DNAJC6: variants seen among roughly 807,000 people sequenced by gnomAD.
DNAJC6 encodes DnaJ heat shock protein family (Hsp40) member C6, also known as auxilin.
In DNAJC6, 34 loss-of-function variants were observed where a neutral mutation model predicts 110.0. The observed-to-expected ratio is 0.31, with a 90% CI of 0.24 to 0.41. The LOEUF (loss-of-function observed/expected upper bound fraction) is 0.41. Ranked by LOEUF, DNAJC6 falls within the 10% of genes least tolerant of loss-of-function variation. The pLI is 1.00. For missense variants in DNAJC6, 1,031 were observed against 1,207.8 expected (o/e 0.85, Z 2.17); for synonymous variants, 406 against 437.2 (o/e 0.93, Z 0.89).
chr1:65,369,844 A>G (rs1216400234), intron 4 of DNAJC6, among the ~76,000 whole-genome samples: 1 of 152,168 alleles, frequency 6.6e-6, no homozygotes, highest in African/African-American at 2.4e-5. Flanking sequence ...GAATTGTATG[A>G]AATGATCAAT....
intron 16 of DNAJC6, among the ~76,000 whole-genome samples, chr1:65,407,277 A>G (rs758832652): frequency 1.3e-5 from 2 of 152,122 alleles, no homozygotes; most frequent in South Asian, 4.1e-4. Flanking sequence ...TACTGTATAT[A>G]TAGGGTCTGG....
At chr1:65,393,778 TCTCAA>T (rs1411477954) in intron 12 of DNAJC6, among the ~76,000 whole-genome samples, 1 of 152,180 alleles carries the variant, frequency 6.6e-6, no homozygotes, top group East Asian at 1.9e-4. Context: ...AAGAGAAATG[TCTCAA>T]CTCTTCAGGC....
intron 1 of DNAJC6, among the ~76,000 whole-genome samples, chr1:65,318,163 A>G (rs1237569973): frequency 6.6e-6 from 1 of 152,178 alleles, no homozygotes; most frequent in Non-Finnish European, 1.5e-5. Flanking sequence ...TGACTTATCT[A>G]CTAGGCACAG....
In DNAJC6 at chr1:65,392,602, C is replaced by T. The variant is rs1300228085; in HGVS notation, c.1640C>T (p.Ala547Val). The change falls in exon 12 of 19, where the codon GCC becomes GTC. Residue 547 changes from alanine (A) to valine (V), a missense_variant. Ala to Val is a moderately conservative substitution (Grantham distance 64). Coordinates refer to ENST00000371069, the MANE Select transcript of DNAJC6 (RefSeq NM_001256864.2). ...AGCAAAAAGCAGCAGGAGCCAGCAG[C>T]CCCTCCACCCCCTGAGGATGTGGAC... ...KPSKKQQEPA[A>V]PPPPEDVDLL... 1 of 1,614,056 alleles carries T rather than the reference C, an allele frequency of 6.2e-7. No individual in the cohort carries two copies. Among genetic ancestry groups the T allele is most frequent in the Non-Finnish European group, 8.5e-7 (1 of 1,179,988 alleles).
intron 1 of DNAJC6, among the ~76,000 whole-genome samples, chr1:65,310,193 C>A (rs1645086064): frequency 8.0e-6 from 1 of 125,206 alleles, no homozygotes; most frequent in Non-Finnish European, 1.6e-5. Flanking sequence ...CTGCTGAATA[C>A]GGCAGCTGGG....
chr1:65,357,758 T>G (rs543770328), intron 1 of DNAJC6, among the ~76,000 whole-genome samples: 7 of 152,324 alleles, frequency 4.6e-5, no homozygotes, highest in African/African-American at 1.7e-4. Context: ...GAAACTTGTG[T>G]GGCTGTGAAC....
intron 1 of DNAJC6, among the ~76,000 whole-genome samples, chr1:65,287,650 G>C (rs1014529732): frequency 3.9e-5 from 6 of 152,152 alleles, no homozygotes; most frequent in Admixed American, 6.6e-5. Flanking sequence ...TGCCCAGAAT[G>C]GAGTACAGTG....
At chr1:65,385,942 C>T in intron 7 of DNAJC6, 36 bp downstream of exon 7, 1 of 1,500,362 alleles carries the variant, frequency 6.7e-7, no homozygotes, top group Non-Finnish European at 9.0e-7. Context: ...CTATGTACTT[C>T]TCAATTCTCA....
intron 15 of DNAJC6, among the ~76,000 whole-genome samples, chr1:65,404,105 G>C (rs9436289): frequency 6.6e-6 from 1 of 152,150 alleles, no homozygotes; most frequent in Non-Finnish European, 1.5e-5. Context: ...GTATGTTCCC[G>C]TGCTATTGGC....
intron 6 of DNAJC6, among the ~76,000 whole-genome samples, chr1:65,385,310 C>A (rs772386306): frequency 1.3e-5 from 2 of 152,158 alleles, no homozygotes; most frequent in South Asian, 2.1e-4. Flanking sequence ...ACAATTTCTT[C>A]ATTTTTTTAA....
intron 12 of DNAJC6, 76 bp downstream of exon 12, chr1:65,392,941 T>G: frequency 7.4e-7 from 1 of 1,344,506 alleles, no homozygotes; most frequent in Non-Finnish European, 9.7e-7. Flanking sequence ...GAATTGAACT[T>G]TCCTAATAAG....
chr1:65,316,940 C>T lies in DNAJC6; in HGVS notation c.193+7002C>T, dbSNP rs181919485. Among the ~76,000 whole-genome samples, 311 of 150,694 alleles carry T rather than the reference C, an allele frequency of 2.1e-3. 2 individuals are homozygous for T. The highest frequency in any genetic ancestry group is 7.3e-3 in the African/African-American group (301 of 41,164). ...ATAAAGGTCACTTTTTTTTTTTTAG[C>T]CAAAAAAGGAAACTCAAAATGTATA... On this transcript the variant is annotated intron_variant, in intron 1 of 18. Coordinates refer to ENST00000371069, the MANE Select transcript of DNAJC6 (RefSeq NM_001256864.2).
chr1:65,271,818 A>G (rs926811518), intron 1 of DNAJC6, among the ~76,000 whole-genome samples: 16 of 151,446 alleles, frequency 1.1e-4, no homozygotes, highest in African/African-American at 3.9e-4. Flanking sequence ...GCAGTGAGCC[A>G]AGATCACACC....
intron 1 of DNAJC6, among the ~76,000 whole-genome samples, chr1:65,332,199 G>A (rs1388557565): frequency 6.6e-6 from 1 of 152,122 alleles, no homozygotes; most frequent in Non-Finnish European, 1.5e-5. Flanking sequence ...TTAACGTGGG[G>A]CACTCAATGA....
At chr1:65,325,854 T>G (rs1645237277) in intron 1 of DNAJC6, among the ~76,000 whole-genome samples, 1 of 152,228 alleles carries the variant, frequency 6.6e-6, no homozygotes, top group African/African-American at 2.4e-5. Flanking sequence ...TACAAGCCTG[T>G]ATAGCATGTT....
chr1:65,291,819 A>G (rs1644878611), intron 1 of DNAJC6, among the ~76,000 whole-genome samples: 1 of 152,166 alleles, frequency 6.6e-6, no homozygotes, highest in Non-Finnish European at 1.5e-5. Context: ...GGATAACTTG[A>G]CTAACACAAC....
chr1:65,367,120 G>A (rs752978114), intron 4 of DNAJC6, among the ~76,000 whole-genome samples: 4 of 152,036 alleles, frequency 2.6e-5, no homozygotes, highest in Non-Finnish European at 5.9e-5. Context: ...GAGTTTTAAG[G>A]ACCTCTTTTT....
intron 17 of DNAJC6, among the ~76,000 whole-genome samples, chr1:65,410,651 C>T (rs1646119983): frequency 6.6e-6 from 1 of 152,212 alleles, no homozygotes; most frequent in Non-Finnish European, 1.5e-5. Flanking sequence ...TTAATCACCT[C>T]ATTTGTTCAA....
At chr1:65,302,824 C>T (rs377726072) in intron 1 of DNAJC6, among the ~76,000 whole-genome samples, 41 of 152,168 alleles carry the variant, frequency 2.7e-4, no homozygotes, top group African/African-American at 8.7e-4. Context: ...CGTGAGCCAC[C>T]GCGCCCGGCC....
Sources: gnomAD v4.1 joint callset for allele counts (sites outside exome capture counted in the v4.1 genomes callset) on GRCh38, gnomAD v4.1.1 for gene constraint, MANE v1.5 for transcripts, NCBI Gene and HGNC (gene_info 2026-07-23, HGNC 2026-07-21) for gene names.